DSCAM: variants seen among roughly 807,000 people sequenced by gnomAD.
The protein encoded by DSCAM is DS cell adhesion molecule.
In DSCAM, 47 loss-of-function variants were observed where a neutral mutation model predicts 217.7. The ratio of observed to expected loss-of-function variants is 0.22; its 90% CI spans 0.17 to 0.28. DSCAM has a LOEUF of 0.28. DSCAM is among the 10% of genes least tolerant of loss of function. The pLI is 1.00. For synonymous variants in DSCAM, 1,056 were observed against 1,015.3 expected, an observed-to-expected ratio of 1.04 and a Z score of -0.76; for missense variants, 2,080 against 2,618.3, an observed-to-expected ratio of 0.79 and a Z score of 4.49.
chr21:40,370,401 T>TTCTAG (rs2074883465), intron 3 of DSCAM, among the ~76,000 whole-genome samples: 4 of 152,162 alleles, frequency 2.6e-5, no homozygotes, highest in South Asian at 2.1e-4. Flanking sequence ...ATTTTTATCT[T>TTCTAG]TGAAAAAAGA....
At chr21:40,525,520 C>T (rs1316156551) in intron 3 of DSCAM, among the ~76,000 whole-genome samples, 1 of 152,182 alleles carries the variant, frequency 6.6e-6, no homozygotes, top group African/African-American at 2.4e-5. Context: ...GTGAGAAGAA[C>T]AATTATACAT....
chr21:40,321,128 C>T (rs998913203), intron 8 of DSCAM, among the ~76,000 whole-genome samples: 1 of 152,208 alleles, frequency 6.6e-6, no homozygotes, highest in Admixed American at 6.5e-5. Flanking sequence ...TAATCATACG[C>T]TAATGGAACC....
chr21:40,365,062 T>C (rs976357022), intron 4 of DSCAM, among the ~76,000 whole-genome samples: 5 of 151,182 alleles, frequency 3.3e-5, no homozygotes, highest in Non-Finnish European at 7.4e-5. Context: ...GTATCTATAA[T>C]ATATAATATA....
At chr21:40,171,465 T>G (rs115560871) in intron 15 of DSCAM, among the ~76,000 whole-genome samples, 2 of 152,060 alleles carry the variant, frequency 1.3e-5, no homozygotes, top group African/African-American at 4.8e-5. Flanking sequence ...TTTTTAAGAA[T>G]GTAACAGCTT....
chr21:40,173,565 A>G (rs62235668), intron 15 of DSCAM, among the ~76,000 whole-genome samples: 10,897 of 152,200 alleles, frequency 0.072, 524 homozygotes, highest in Non-Finnish European at 0.11. Context: ...CGCTGAGTGA[A>G]TGCTGTGCAT....
At chr21:40,672,812 T>G in intron 3 of DSCAM, among the ~76,000 whole-genome samples, 1 of 152,122 alleles carries the variant, frequency 6.6e-6, no homozygotes, top group East Asian at 1.9e-4. Context: ...ACATCTAATC[T>G]ATCAGCCAAC....
intron 3 of DSCAM, among the ~76,000 whole-genome samples, chr21:40,490,227 C>T (rs888615467): frequency 3.9e-5 from 6 of 152,076 alleles, no homozygotes; most frequent in Non-Finnish European, 7.4e-5. Flanking sequence ...TCCCATGACA[C>T]GTGGGAATTA....
intron 3 of DSCAM, among the ~76,000 whole-genome samples, chr21:40,547,464 GA>G (rs1290466882): frequency 1.3e-5 from 2 of 152,208 alleles, no homozygotes; most frequent in Non-Finnish European, 2.9e-5. Context: ...CAGGCCTCAT[GA>G]AAACCATTCT....
At chr21:40,586,174 G>A (rs912150860) in intron 3 of DSCAM, among the ~76,000 whole-genome samples, 11 of 152,172 alleles carry the variant, frequency 7.2e-5, no homozygotes, top group Non-Finnish European at 1.6e-4. Flanking sequence ...TTTTGTTTCT[G>A]TTCTTGCCAT....
chr21:40,730,200 T>C (rs958167353), intron 1 of DSCAM, among the ~76,000 whole-genome samples: 6 of 152,312 alleles, frequency 3.9e-5, no homozygotes, highest in African/African-American at 4.8e-5. Context: ...AGTCCATTAT[T>C]CCACATTGGA....
chr21:40,264,074 A>C (rs1189796058), intron 11 of DSCAM, among the ~76,000 whole-genome samples: 1 of 152,152 alleles, frequency 6.6e-6, no homozygotes, highest in Non-Finnish European at 1.5e-5. Context: ...AAATGCCAAC[A>C]AAACAAAGCC....
chr21:40,611,676 T>C (rs573686529), intron 3 of DSCAM, among the ~76,000 whole-genome samples: 3 of 152,336 alleles, frequency 2.0e-5, no homozygotes, highest in South Asian at 4.1e-4. Flanking sequence ...TAATGTAATG[T>C]TGACTCATTA....
intron 8 of DSCAM, among the ~76,000 whole-genome samples, chr21:40,313,130 A>AAAT (rs1002440477): frequency 2.0e-5 from 3 of 151,882 alleles, no homozygotes; most frequent in Admixed American, 2.0e-4. Flanking sequence ...TAAAAAAAAA[A>AAAT]AAAAAAGTAA....
At chr21:40,705,759 A>G (rs1433149753) in intron 2 of DSCAM, among the ~76,000 whole-genome samples, 2 of 152,136 alleles carry the variant, frequency 1.3e-5, no homozygotes, top group Non-Finnish European at 2.9e-5. Flanking sequence ...TCAAGATGAG[A>G]TTTGGGTGCG....
intron 3 of DSCAM, among the ~76,000 whole-genome samples, chr21:40,632,819 G>A (rs1351496551): frequency 6.6e-6 from 1 of 152,184 alleles, no homozygotes; most frequent in Non-Finnish European, 1.5e-5. Context: ...CCACTGGAAT[G>A]GAAAGATGGA....
At chr21:40,725,530 T>G (rs1349359521) in intron 1 of DSCAM, among the ~76,000 whole-genome samples, 3 of 152,242 alleles carry the variant, frequency 2.0e-5, no homozygotes, top group Non-Finnish European at 4.4e-5. Flanking sequence ...TTCGTATATG[T>G]GACTTTATTC....
At chr21:40,582,936 T>A (rs553627806) in intron 3 of DSCAM, among the ~76,000 whole-genome samples, 8 of 152,166 alleles carry the variant, frequency 5.3e-5, no homozygotes, top group Admixed American at 2.0e-4. Flanking sequence ...ATTTGAGCAA[T>A]GGAAAAGCAA....
chr21:40,333,059 G>A (rs1256044316), intron 8 of DSCAM, among the ~76,000 whole-genome samples: 1 of 152,158 alleles, frequency 6.6e-6, no homozygotes, highest in South Asian at 2.1e-4. Flanking sequence ...CAATTTTTAA[G>A]GCTTCAGGTT....
At chr21:40,391,561 G>C (rs1256846123) in intron 3 of DSCAM, among the ~76,000 whole-genome samples, 4 of 152,170 alleles carry the variant, frequency 2.6e-5, no homozygotes, top group Non-Finnish European at 4.4e-5. Flanking sequence ...TTCATACTAT[G>C]ATTTATCCTT....
Sources: allele counts gnomAD v4.1 joint callset (sites outside exome capture counted in the v4.1 genomes callset), GRCh38; gene constraint gnomAD v4.1.1; transcripts MANE v1.5; gene names NCBI Gene and HGNC (gene_info 2026-07-23, HGNC 2026-07-21).